PIK3C2B: variants seen among roughly 807,000 people sequenced by gnomAD.
The protein encoded by PIK3C2B is phosphatidylinositol 4-phosphate 3-kinase C2 domain-containing subunit beta.
In PIK3C2B, 83 loss-of-function variants were observed where a neutral mutation model predicts 184.3. That is an observed-to-expected ratio of 0.45 (90% confidence interval 0.38 to 0.54). PIK3C2B has a LOEUF of 0.54. Among genes scored for constraint, PIK3C2B ranks in the 20% least tolerant of loss-of-function variants. PIK3C2B has a pLI of 0.00. For missense variants in PIK3C2B, 1,736 were observed against 2,113.5 expected, an observed-to-expected ratio of 0.82 and a Z score of 3.50; for synonymous variants, 779 against 837.6, an observed-to-expected ratio of 0.93 and a Z score of 1.21.
chr1:204,472,941 G>A (rs1298792359), intron 1 of PIK3C2B, among the ~76,000 whole-genome samples: 2 of 152,152 alleles, frequency 1.3e-5, no homozygotes, highest in Non-Finnish European at 2.9e-5. Flanking sequence ...ATTAGGTTGG[G>A]GGAGACCAGT....
In PIK3C2B at chr1:204,443,491, G is replaced by A. The variant is rs1284556272; in HGVS notation, c.2974C>T (p.Arg992Cys). The A allele has an allele frequency of 9.9e-6, 16 of 1,614,114 alleles. No individual in the cohort carries two copies. The highest frequency in any genetic ancestry group is 2.2e-5 in the South Asian group (2 of 91,090). The change falls in exon 19 of 33, where the codon CGC becomes TGC. Residue 992 changes from arginine (R) to cysteine (C), a missense_variant. By Grantham distance (180) the Arg-to-Cys change is radical. Transcript: ENST00000684373. ...CGKGLREEFN[R>C]QCWLVNALAK... The stretch of plus-strand genomic sequence containing the variant: ...AGGGCATTGACAAGCCAGCACTGGC[G>A]GTTAAACTCTTCTCTCAGCCCCTTG...
chr1:204,444,181 G>A lies in PIK3C2B; in HGVS notation c.2773-19C>T. On this transcript the variant is annotated intron_variant, in intron 17 of 32. Coordinates refer to ENST00000684373, the MANE Select transcript of PIK3C2B (RefSeq NM_001377334.1). The stretch of plus-strand genomic sequence containing the variant: ...TCAGGGCCTGTTTCGGAGAAAGGGA[G>A]AAAGAGAATATGAAGCTTCATTAAC... The A allele has an allele frequency of 1.3e-6, 2 of 1,562,248 alleles. No homozygotes were observed. The highest frequency in any genetic ancestry group is 8.8e-7 in the Non-Finnish European group (1 of 1,132,374).
In PIK3C2B at chr1:204,427,570, G is replaced by A. The variant is rs769158503; in HGVS notation, c.4587+78C>T. 69 of 900,086 alleles carry A rather than the reference G, an allele frequency of 7.7e-5. 1 individual carries two copies. The highest frequency in any genetic ancestry group is 6.7e-4 in the East Asian group (28 of 41,632). 55.8% of individuals were successfully genotyped at this position (900,086 alleles called of 1,614,324 possible). A position where few individuals can be genotyped will look rare whatever the true frequency, so the allele number is the denominator to read the frequency against. On this transcript the variant is annotated intron_variant, in intron 31 of 32. Transcript: ENST00000684373. Reference sequence around the variant, plus strand: ...TGTGGTGGTTACCCATATGACACGCGGCAGAGAAGGTCTGCCCAAAAAAGT... The same window carrying A: ...TGTGGTGGTTACCCATATGACACGCAGCAGAGAAGGTCTGCCCAAAAAAGT...
rs542638453 is a variant in PIK3C2B at position 204,493,063 on chromosome 1, C to G, written c.-85+1293G>C. ...TCTCACTGCCTGTCTGCTCTGGGAT[C>G]GGCAGCTGGAGTTGGGGAGAGGGAA... On this transcript the variant is annotated intron_variant, in intron 1 of 32. Transcript: ENST00000684373. Among the ~76,000 whole-genome samples, 8 of 152,286 alleles carry G rather than the reference C, an allele frequency of 5.3e-5. No homozygotes were observed. In the South Asian group the frequency reaches 1.5e-3, roughly 28 times the overall value.
rs1658228477 is a variant in PIK3C2B at position 204,494,395 on chromosome 1, C to A, written c.-124G>T. The A allele has an allele frequency of 6.6e-6, 1 of 152,406 alleles. No individual in the cohort carries two copies. 9.4% of individuals were successfully genotyped at this position (152,406 alleles called of 1,614,324 possible). The stretch of plus-strand genomic sequence containing the variant: ...GGCTCTGCTGCAACATCCGACGTGT[C>A]TTGTGCCTGGCGACGTGGGCTGCTC... On this transcript the variant is annotated 5_prime_UTR_variant, in exon 1 of 33. Coordinates refer to ENST00000684373, the MANE Select transcript of PIK3C2B (RefSeq NM_001377334.1).
Position 204,424,563 on chromosome 1 carries a change from A to C in PIK3C2B, c.*289T>G, listed in dbSNP as rs1572268177. Reference sequence around the variant, plus strand: ...ATACAGCCCACCCCACACACTCCCCAAACCAAGCATTGCTCCCTTGACACA... The same window carrying C: ...ATACAGCCCACCCCACACACTCCCCCAACCAAGCATTGCTCCCTTGACACA... On this transcript the variant is annotated 3_prime_UTR_variant, in exon 33 of 33. Coordinates refer to ENST00000684373, the MANE Select transcript of PIK3C2B (RefSeq NM_001377334.1). 2 of 422,676 alleles carry C rather than the reference A, an allele frequency of 4.7e-6. No individual in the cohort carries two copies. Among genetic ancestry groups the C allele is most frequent in the Non-Finnish European group, 4.5e-6 (1 of 222,298 alleles). The allele number at this position is 422,676 out of a possible 1,614,324, so 26.2% of individuals were successfully genotyped here. A position where few individuals can be genotyped will look rare whatever the true frequency, so the allele number is the denominator to read the frequency against.
At chr1:204,491,121 C>A (rs749554497) in intron 1 of PIK3C2B, among the ~76,000 whole-genome samples, 2 of 152,180 alleles carry the variant, frequency 1.3e-5, no homozygotes, top group Admixed American at 6.5e-5. Flanking sequence ...GACATGGTGA[C>A]TCACACCTGT....
Position 204,447,596 on chromosome 1 carries a change from G to A in PIK3C2B, c.2347-18C>T, listed in dbSNP as rs1653989380. ...AAGTCAATCTGGGGGATGAGATCAG[G>A]GATGTGAGGAGAGAAAACAGGCAGC... On this transcript the variant is annotated intron_variant, in intron 14 of 32. Transcript: ENST00000684373. This position sits in a 1 kb window ranked among gnomAD's most constrained non-coding sequence, Gnocchi z 4.1. 5 of 1,592,634 alleles carry A rather than the reference G, an allele frequency of 3.1e-6. No individual in the cohort carries two copies. Among genetic ancestry groups the A allele is most frequent in the Non-Finnish European group, 4.3e-6 (5 of 1,169,676 alleles).
At chr1:204,432,065 G>T in intron 27 of PIK3C2B, 135 bp downstream of exon 27, 1 of 819,568 alleles carries the variant, frequency 1.2e-6, no homozygotes, top group Non-Finnish European at 2.0e-6. Flanking sequence ...GAGGGAAGTG[G>T]TCCAGGACTG....
Position 204,454,317 on chromosome 1 carries a change from C to G in PIK3C2B, c.2066+352G>C, listed in dbSNP as rs61762610. Among the ~76,000 whole-genome samples, 883 of 151,288 alleles carry G rather than the reference C, an allele frequency of 5.8e-3. 2 individuals are homozygous for G. Among genetic ancestry groups the G allele is most frequent in the Middle Eastern group, 0.01 (3 of 294 alleles). ...CTAACACATGGAAACCCCATCTCTG[C>G]TAAAAATACAAAAAATTAGCTGGGC... On this transcript the variant is annotated intron_variant, in intron 12 of 32. Coordinates refer to ENST00000684373, the MANE Select transcript of PIK3C2B (RefSeq NM_001377334.1).
At chr1:204,431,842 A>G in intron 27 of PIK3C2B, 49 bp from the exon 28 acceptor site, 1 of 1,611,996 alleles carries the variant, frequency 6.2e-7, no homozygotes, top group Non-Finnish European at 8.5e-7. Flanking sequence ...CTCTGCACCC[A>G]GTGAAGGGTG....
intron 32 of PIK3C2B, among the ~76,000 whole-genome samples, 154 bp downstream of exon 32, chr1:204,425,459 T>G (rs1674694245): frequency 6.6e-6 from 1 of 152,214 alleles, no homozygotes; most frequent in Non-Finnish European, 1.5e-5. Flanking sequence ...ATCCTGCCAT[T>G]GCAACATGAA....
intron 1 of PIK3C2B, among the ~76,000 whole-genome samples, chr1:204,491,059 G>A (rs922307795): frequency 6.6e-6 from 1 of 152,132 alleles, no homozygotes; most frequent in African/African-American, 2.4e-5. Context: ...TCCCAGGCTG[G>A]TGACGTCTCA....
Position 204,460,194 on chromosome 1 carries a change from G to C in PIK3C2B, c.1502+130C>G, listed in dbSNP as rs1461406582. 17 of 748,284 alleles carry C rather than the reference G, an allele frequency of 2.3e-5. No homozygotes were observed. The Admixed American group carries it at 3.2e-4, about 14-fold the overall frequency. 46.4% of individuals were successfully genotyped at this position (748,284 alleles called of 1,614,324 possible). The stretch of plus-strand genomic sequence containing the variant: ...CTGGAGTGGGGATCTTCTCTGATAA[G>C]ATGTGTGGGCCCCAACCCCTGACAC... On this transcript the variant is annotated intron_variant, in intron 7 of 32. Transcript: ENST00000684373.
chr1:204,466,817 G>A (rs1238234276), intron 2 of PIK3C2B: 2 of 531,682 alleles, frequency 3.8e-6, no homozygotes, highest in Middle Eastern at 3.3e-4. Flanking sequence ...ATGCTGGCTG[G>A]GGGAGTCTGC....
intron 1 of PIK3C2B, among the ~76,000 whole-genome samples, chr1:204,482,053 G>T (rs1033423605): frequency 1.4e-5 from 2 of 148,080 alleles, no homozygotes; most frequent in South Asian, 2.2e-4. Context: ...CAACCCAACA[G>T]GCCCTGGAAA....
At chr1:204,439,104 A>G (rs1558238127) in intron 22 of PIK3C2B, 33 bp from the exon 23 acceptor site, 1 of 1,608,572 alleles carries the variant, frequency 6.2e-7, no homozygotes, top group South Asian at 1.1e-5. Context: ...CACGTTCCAG[A>G]CCAGAATGAA....
chr1:204,447,365 C>G lies in PIK3C2B; in HGVS notation c.2489+71G>C, dbSNP rs1653963678. ...CCCCTTCCCACCTCCACTCCCAAAG[C>G]AGGAGGACGGAGACTCAGTGCTGGG... On this transcript the variant is annotated intron_variant, in intron 15 of 32. Transcript: ENST00000684373. The surrounding 1 kb of genome is among the most constrained non-coding windows in gnomAD (Gnocchi z 4.1). 6.8e-7 allele frequency: 1 copy of G among 1,471,490 alleles called. No homozygotes were observed. 91.2% of individuals were successfully genotyped at this position (1,471,490 alleles called of 1,614,324 possible).
At chr1:204,463,755 G>A (rs1160041656) in intron 5 of PIK3C2B, among the ~76,000 whole-genome samples, 1 of 135,692 alleles carries the variant, frequency 7.4e-6, no homozygotes, top group Non-Finnish European at 1.5e-5. Context: ...TCTGCAAGCA[G>A]ATATGACCTA....
Sources: gnomAD v4.1 joint callset for allele counts (sites outside exome capture counted in the v4.1 genomes callset) on GRCh38, gnomAD v4.1.1 for gene constraint, Gnocchi (gnomAD v3.1) non-coding constraint, MANE v1.5 for transcripts, NCBI Gene and HGNC (gene_info 2026-07-23, HGNC 2026-07-21) for gene names.